Variants in FAM174B observed in about 807,000 individuals in gnomAD.
FAM174B encodes family with sequence similarity 174 member B.
Under a neutral mutation model 10.9 loss-of-function variants are expected in FAM174B, and 12 were observed. That is an observed-to-expected ratio of 1.10 (90% CI 0.71 to 1.79). The LOEUF (loss-of-function observed/expected upper bound fraction) is 1.79. Among genes scored for constraint, FAM174B ranks in the 40% most tolerant of loss-of-function variants. The pLI, the probability that FAM174B is intolerant of heterozygous loss-of-function variation, is 0.00. For missense variants in FAM174B, 266 were observed against 233.3 expected (o/e 1.14, Z -0.91); for synonymous variants, 132 against 115.8 (o/e 1.14, Z -0.90).
intron 1 of FAM174B, among the ~76,000 whole-genome samples, chr15:92,654,800 AAGAAG>A (rs1023828336): frequency 1.4e-4 from 12 of 86,656 alleles, no homozygotes; most frequent in East Asian, 1.3e-3. Context: ...AAAAAAAAAA[AAGAAG>A]AAGAAGAAGA....
At chr15:92,620,029 A>G (rs1343781954) in intron 2 of FAM174B, 1 of 157,286 alleles carries the variant, frequency 6.4e-6, no homozygotes, top group Non-Finnish European at 1.4e-5. Context: ...TTGGCTCCTG[A>G]GCTGTACAAA....
At chr15:92,645,375 T>C (rs1020296476) in intron 1 of FAM174B, 1 of 152,286 alleles carries the variant, frequency 6.6e-6, no homozygotes, top group African/African-American at 2.4e-5. Context: ...TCATCCAGCA[T>C]GGGCCAGACA....
chr15:92,630,187 G>A (rs759787092), intron 2 of FAM174B, 27 bp downstream of exon 2: 2 of 1,610,376 alleles, frequency 1.2e-6, no homozygotes, highest in Non-Finnish European at 8.5e-7. Context: ...CCAAGCCCAG[G>A]AGGAAGCCTC....
chr15:92,655,014 A>C, intron 1 of FAM174B: 3 of 248,146 alleles, frequency 1.2e-5, no homozygotes, highest in Non-Finnish European at 2.3e-5. Flanking sequence ...AAACGCTGTC[A>C]GAATTCAGAG....
At chr15:92,640,071 G>T (rs561260454) in intron 1 of FAM174B, among the ~76,000 whole-genome samples, 1 of 152,180 alleles carries the variant, frequency 6.6e-6, no homozygotes, top group South Asian at 2.1e-4. Flanking sequence ...TGAGAAAAAG[G>T]TAACTCATTA....
intron 1 of FAM174B, 30 bp downstream of exon 1, chr15:92,655,286 C>CGGGGGAAGGAAGAG (rs761277680): frequency 2.7e-6 from 4 of 1,504,284 alleles, no homozygotes; most frequent in South Asian, 1.3e-5. Context: ...TGTCGGCCGG[C>CGGGGGAAGGAAGAG]GGGGGAAGGA....
chr15:92,633,640 G>A (rs1053345318), intron 1 of FAM174B, among the ~76,000 whole-genome samples: 2 of 152,182 alleles, frequency 1.3e-5, no homozygotes, highest in Admixed American at 6.5e-5. Flanking sequence ...TGGTGCAAAT[G>A]CCAAGCCTGG....
intron 1 of FAM174B, among the ~76,000 whole-genome samples, chr15:92,638,073 G>A (rs1420655048): frequency 2.6e-5 from 4 of 152,218 alleles, no homozygotes; most frequent in Admixed American, 6.5e-5. Context: ...AAATAAAGAA[G>A]TGAAAAGACT....
In FAM174B at chr15:92,620,234, A is replaced by G. The variant is rs972020403; in HGVS notation, c.477-775T>C. Reference sequence around the variant, plus strand: ...GAAGTACAAGAAATAAGTTTAGGCCAGGCACGGTAATCCCAGCACTTTGGG... The same window carrying G: ...GAAGTACAAGAAATAAGTTTAGGCCGGGCACGGTAATCCCAGCACTTTGGG... On this transcript the variant is annotated intron_variant, in intron 2 of 2. Transcript: ENST00000327355. Among the ~76,000 whole-genome samples, 12 of 152,370 alleles carry G rather than the reference A, an allele frequency of 7.9e-5. No homozygotes were observed. The East Asian group carries it at 2.3e-3, about 29-fold the overall frequency.
rs753312533 is a variant in FAM174B at position 92,655,496 on chromosome 15, G to A, written c.164C>T (p.Thr55Ile). Residue 55 changes from threonine (T) to isoleucine (I), a missense_variant, in exon 1 of 3, where the codon ACC becomes ATC. Thr to Ile is a moderately conservative substitution (Grantham distance 89, BLOSUM62 -1). Transcript: ENST00000327355. ...GCCCGCCGCCCCAGACCCAAACCGG[G>A]TGGTGTTCCCGGGCCCCGGGCCGGG... ...PPPGPGPGNT[T>I]RFGSGAAGGS... 2.6e-6 allele frequency: 4 copies of A among 1,525,656 alleles called. No individual in the cohort carries two copies. Among genetic ancestry groups the A allele is most frequent in the Non-Finnish European group, 2.6e-6 (3 of 1,138,324 alleles). 94.5% of individuals were successfully genotyped at this position (1,525,656 alleles called of 1,614,324 possible). A position where few individuals can be genotyped will look rare whatever the true frequency, so the allele number is the denominator to read the frequency against.
At chr15:92,640,677 C>T (rs1252107782) in intron 1 of FAM174B, among the ~76,000 whole-genome samples, 2 of 150,606 alleles carry the variant, frequency 1.3e-5, no homozygotes, top group African/African-American at 4.9e-5. Flanking sequence ...AAGACACAGT[C>T]TCACTCTGTC....
chr15:92,630,423 G>A lies in FAM174B; in HGVS notation c.345-78C>T, dbSNP rs2270632. ...CTGGGCCCCAAGCCCCAGAGGACCC[G>A]ACAGCAACTTAGCAGCTGGTGTTTA... On this transcript the variant is annotated intron_variant, in intron 1 of 2. Coordinates refer to ENST00000327355, the MANE Select transcript of FAM174B (RefSeq NM_207446.3). 18,549 of 1,369,694 alleles carry A rather than the reference G, an allele frequency of 0.014. 1,069 individuals carry two copies. In the East Asian group the frequency reaches 0.19, roughly 14 times the overall value. 84.8% of individuals were successfully genotyped at this position (1,369,694 alleles called of 1,614,324 possible).
In FAM174B at chr15:92,630,797, C is replaced by T. The variant is rs1393458931; in HGVS notation, c.345-452G>A. The stretch of plus-strand genomic sequence containing the variant: ...AATATATTTTATATATTACATATTA[C>T]ATATTATATATATTTTATATATTAC... On this transcript the variant is annotated intron_variant, in intron 1 of 2. Transcript: ENST00000327355. Among the ~76,000 whole-genome samples the T allele has an allele frequency of 3.1e-5, 2 of 65,506 alleles. 1 individual carries two copies. Among genetic ancestry groups the T allele is most frequent in the South Asian group, 1.0e-3 (2 of 1,962 alleles). 43.0% of individuals were successfully genotyped at this position (65,506 alleles called of 152,430 possible).
chr15:92,623,368 G>A (rs1313655822), intron 2 of FAM174B, among the ~76,000 whole-genome samples: 1 of 152,132 alleles, frequency 6.6e-6, no homozygotes, highest in South Asian at 2.1e-4. Context: ...AACTGCTAGT[G>A]ACATTCCTGC....
chr15:92,639,659 A>G (rs941281098), intron 1 of FAM174B, among the ~76,000 whole-genome samples: 4 of 152,174 alleles, frequency 2.6e-5, no homozygotes, highest in African/African-American at 9.7e-5. Flanking sequence ...GTGGGCCTTC[A>G]TGAACGGTTT....
chr15:92,630,071 G>C, intron 2 of FAM174B, 143 bp downstream of exon 2: 1 of 673,580 alleles, frequency 1.5e-6, no homozygotes, highest in South Asian at 2.0e-5. Context: ...CACAAGATCA[G>C]AGCAGGTCTC....
At chr15:92,625,275 AC>A (rs1453281434) in intron 2 of FAM174B, among the ~76,000 whole-genome samples, 1 of 152,106 alleles carries the variant, frequency 6.6e-6, no homozygotes, top group Non-Finnish European at 1.5e-5. Flanking sequence ...TCTGATAGGC[AC>A]AGGCTCTAAG....
chr15:92,629,047 T>C (rs1393841637), intron 2 of FAM174B, among the ~76,000 whole-genome samples: 2 of 152,206 alleles, frequency 1.3e-5, no homozygotes, highest in Admixed American at 6.5e-5. Context: ...CATTGTCTTG[T>C]TGAGTCTGAC....
chr15:92,618,859 A>C lies in FAM174B; in HGVS notation c.*597T>G. 2 of 199,744 alleles carry C rather than the reference A, an allele frequency of 1.0e-5. No individual in the cohort carries two copies. Among genetic ancestry groups the C allele is most frequent in the Non-Finnish European group, 2.0e-5 (2 of 100,216 alleles). The allele number at this position is 199,744 out of a possible 1,614,324, so 12.4% of individuals were successfully genotyped here. A position where few individuals can be genotyped will look rare whatever the true frequency, so the allele number is the denominator to read the frequency against. On this transcript the variant is annotated 3_prime_UTR_variant, in exon 3 of 3. Transcript: ENST00000327355. ...TTTTTTTAAAAAAAAAAAAAAAGGA[A>C]GAAAGAAAAGGAGCCACAGACGTGT...
Sources: gnomAD v4.1 joint callset for allele counts (sites outside exome capture counted in the v4.1 genomes callset) on GRCh38, gnomAD v4.1.1 for gene constraint, MANE v1.5 for transcripts, NCBI Gene and HGNC (gene_info 2026-07-23, HGNC 2026-07-21) for gene names.